The following AGAP9 variants were observed in gnomAD, a reference collection of about 807,000 sequenced individuals.
AGAP9 encodes arf-GAP with GTPase, ANK repeat and PH domain-containing protein 9.
AGAP9 carries 23 observed loss-of-function variants against 55.6 expected under a neutral mutation model. The ratio of observed to expected loss-of-function variants is 0.41; its 90% CI spans 0.30 to 0.59. The LOEUF (loss-of-function observed/expected upper bound fraction) is 0.59, where lower values mean the gene tolerates loss of function less well. Ranked by LOEUF, AGAP9 falls within the 20% of genes least tolerant of loss-of-function variation. The pLI is 0.25. For synonymous variants in AGAP9, 120 were observed against 305.0 expected, an observed-to-expected ratio of 0.39 and a Z score of 6.32; for missense variants, 309 against 808.1, an observed-to-expected ratio of 0.38 and a Z score of 7.49.
At chr10:47,522,398 G>T (rs1306934257) in intron 2 of AGAP9, among the ~76,000 whole-genome samples, 10 of 149,842 alleles carry the variant, frequency 6.7e-5, no homozygotes, top group Admixed American at 6.6e-4. Flanking sequence ...AAACTCCTTT[G>T]AGAAACCCCA....
In AGAP9 at chr10:47,505,441, T is replaced by C. The variant is rs1439043041; in HGVS notation, c.534-1201A>G. 1.2e-4 allele frequency among the ~76,000 whole-genome samples: 16 copies of C among 133,926 alleles called. 1 individual carries two copies. Among genetic ancestry groups the C allele is most frequent in the African/African-American group, 3.8e-4 (14 of 36,966 alleles). The allele number at this position is 133,926 out of a possible 152,430, so 87.9% of individuals were successfully genotyped here. ...AGCAATAAAAATTAATGTTGTTAAA[T>C]CTTGACATGTCTCTAATATTCTGAA... On this transcript the variant is annotated intron_variant, in intron 6 of 7. Transcript: ENST00000452145.
chr10:47,521,791 T>C (rs1398261299), intron 2 of AGAP9, among the ~76,000 whole-genome samples: 1 of 151,452 alleles, frequency 6.6e-6, no homozygotes, highest in East Asian at 2.0e-4. Context: ...CTTTCCTTTT[T>C]TTTTTGTGAG....
intron 4 of AGAP9, among the ~76,000 whole-genome samples, chr10:47,515,771 T>A (rs1323331765): frequency 7.3e-6 from 1 of 137,650 alleles, no homozygotes; most frequent in Non-Finnish European, 1.6e-5. Context: ...CAGAAGAAAC[T>A]GAAATGTCTT....
chr10:47,515,908 AC>A (rs1840707811), intron 4 of AGAP9, among the ~76,000 whole-genome samples: 1 of 115,738 alleles, frequency 8.6e-6, no homozygotes, highest in Admixed American at 9.2e-5. Flanking sequence ...GCCAGGGACC[AC>A]CACACATTGG....
intron 1 of AGAP9, 73 bp downstream of exon 1, chr10:47,523,231 C>T (rs1840885976): frequency 1.3e-6 from 2 of 1,574,260 alleles, no homozygotes; most frequent in Non-Finnish European, 1.7e-6. Flanking sequence ...GTGTGGGATG[C>T]CTCAAAGGGA....
chr10:47,518,493 C>A (rs1840755468), intron 3 of AGAP9, among the ~76,000 whole-genome samples: 2 of 133,414 alleles, frequency 1.5e-5, no homozygotes, highest in Non-Finnish European at 3.1e-5. Flanking sequence ...CTCACTGCAA[C>A]CTCTACCTCC....
intron 4 of AGAP9, among the ~76,000 whole-genome samples, chr10:47,510,807 G>C (rs1210284504): frequency 2.1e-4 from 18 of 86,550 alleles, no homozygotes; most frequent in African/African-American, 8.9e-4. Context: ...TCCAGGCCGG[G>C]AGACAAAGTG....
chr10:47,520,859 A>G lies in AGAP9; in HGVS notation c.293-292T>C, dbSNP rs1172186430. ...TATTTAAAAAAAAAAAAAAAAAAAA[A>G]AAGAAGAAGAGGTAAATTTTGGCTT... On this transcript the variant is annotated intron_variant, in intron 2 of 7. Transcript: ENST00000452145. Among the ~76,000 whole-genome samples, 113 of 129,118 alleles carry G rather than the reference A, an allele frequency of 8.8e-4. 1 individual carries two copies. Among genetic ancestry groups the G allele is most frequent in the African/African-American group, 2.9e-3 (84 of 29,322 alleles). 84.7% of individuals were successfully genotyped at this position (129,118 alleles called of 152,430 possible). A position where few individuals can be genotyped will look rare whatever the true frequency, so the allele number is the denominator to read the frequency against.
intron 3 of AGAP9, among the ~76,000 whole-genome samples, chr10:47,519,383 G>C (rs1840777128): frequency 8.4e-6 from 1 of 118,366 alleles, no homozygotes; most frequent in South Asian, 2.9e-4. Context: ...CAGGAGAATT[G>C]CTTGAACCTG....
intron 6 of AGAP9, among the ~76,000 whole-genome samples, chr10:47,506,572 C>T (rs1840482992): frequency 7.0e-6 from 1 of 142,454 alleles, no homozygotes; most frequent in Non-Finnish European, 1.5e-5. Context: ...TCAAGTGATC[C>T]ACCCACCTTG....
intron 2 of AGAP9, among the ~76,000 whole-genome samples, chr10:47,522,442 G>A (rs1265155307): frequency 3.3e-5 from 5 of 150,212 alleles, no homozygotes; most frequent in African/African-American, 5.0e-5. Flanking sequence ...CTGCAGCCCC[G>A]GCTGTGACAT....
intron 7 of AGAP9, 121 bp from the exon 8 acceptor site, chr10:47,503,664 A>G: frequency 1.7e-6 from 1 of 595,380 alleles, no homozygotes. Context: ...GGTGGCTCAC[A>G]CCTGTAATCA....
At chr10:47,515,999 T>C (rs1245256261) in intron 4 of AGAP9, among the ~76,000 whole-genome samples, 1 of 131,576 alleles carries the variant, frequency 7.6e-6, no homozygotes, top group Non-Finnish European at 1.6e-5. Context: ...AGCAAAACTT[T>C]AAAAAAAAAA....
At chr10:47,511,135 G>T (rs1460465921) in intron 4 of AGAP9, among the ~76,000 whole-genome samples, 1 of 131,922 alleles carries the variant, frequency 7.6e-6, no homozygotes, top group Non-Finnish European at 1.6e-5. Flanking sequence ...AGTAGAGACG[G>T]GGTTTCACCG....
intron 4 of AGAP9, among the ~76,000 whole-genome samples, chr10:47,517,599 T>G (rs1840743697): frequency 7.9e-6 from 1 of 126,198 alleles, no homozygotes; most frequent in Non-Finnish European, 1.6e-5. Context: ...AACCAGACTA[T>G]TGAAATTTAA....
intron 5 of AGAP9, among the ~76,000 whole-genome samples, 164 bp from the exon 6 acceptor site, chr10:47,507,747 TTTACAAAAATA>T (rs1840513619): frequency 8.4e-6 from 1 of 118,658 alleles, no homozygotes; most frequent in Non-Finnish European, 1.7e-5. Context: ...TTCTTTGTTT[TTTACAAAAATA>T]TGAGAACCAA....
rs1421483188 is a variant in AGAP9, at chr10:47,506,465, G to C, written c.533+1083C>G. On this transcript the variant is annotated intron_variant, in intron 6 of 7. Transcript: ENST00000452145. Reference sequence around the variant, plus strand: ...CCTGCCTCAGCCTCCCAAGTAACTGGGACTACAGGCATGCACCACCACGCC... The same window carrying C: ...CCTGCCTCAGCCTCCCAAGTAACTGCGACTACAGGCATGCACCACCACGCC... Among the ~76,000 whole-genome samples, 16 of 137,512 alleles carry C rather than the reference G, an allele frequency of 1.2e-4. 1 individual carries two copies. Among genetic ancestry groups the C allele is most frequent in the Non-Finnish European group, 7.7e-5 (5 of 64,600 alleles). 90.2% of individuals were successfully genotyped at this position (137,512 alleles called of 152,430 possible).
In AGAP9 at chr10:47,513,371, A is replaced by G. The variant is rs1397032781; in HGVS notation, c.397-3100T>C. ...GATATGCCGTTGGGAACTACAAAAC[A>G]TTGCTGAATGAAGTCATGGACACAG... On this transcript the variant is annotated intron_variant, in intron 4 of 7. Transcript: ENST00000452145. Among the ~76,000 whole-genome samples, 4 of 142,292 alleles carry G rather than the reference A, an allele frequency of 2.8e-5. 1 individual carries two copies. The highest frequency in any genetic ancestry group is 5.1e-5 in the African/African-American group (2 of 39,128). The allele number at this position is 142,292 out of a possible 152,430, so 93.3% of individuals were successfully genotyped here.
rs1469935868 is a variant in AGAP9, at chr10:47,519,262, G to A, written c.361+1237C>T. Among the ~76,000 whole-genome samples the A allele has an allele frequency of 2.1e-4, 26 of 126,220 alleles. 2 individuals are homozygous for A. The highest frequency in any genetic ancestry group is 3.6e-4 in the Non-Finnish European group (22 of 61,338). 82.8% of individuals were successfully genotyped at this position (126,220 alleles called of 152,430 possible). A position where few individuals can be genotyped will look rare whatever the true frequency, so the allele number is the denominator to read the frequency against. Reference sequence around the variant, plus strand: ...GCGGGTAGATCACTTGAGGTCAGGAGTTTCAGACCAGCCTGGCTAACATGG... The same window carrying A: ...GCGGGTAGATCACTTGAGGTCAGGAATTTCAGACCAGCCTGGCTAACATGG... On this transcript the variant is annotated intron_variant, in intron 3 of 7. Transcript: ENST00000452145.
Sources: gnomAD v4.1 joint callset for allele counts (sites outside exome capture counted in the v4.1 genomes callset) on GRCh38, gnomAD v4.1.1 for gene constraint, MANE v1.5 for transcripts, NCBI Gene and HGNC (gene_info 2026-07-23, HGNC 2026-07-21) for gene names.